MELK: variants seen among roughly 807,000 people sequenced by gnomAD.
MELK encodes maternal embryonic leucine zipper kinase.
In MELK, 81 loss-of-function variants were observed where a neutral mutation model predicts 85.0. The ratio of observed to expected loss-of-function variants is 0.95; its 90% CI spans 0.80 to 1.15. The LOEUF is 1.15. Among genes scored for constraint, MELK ranks in the 50% most tolerant of loss-of-function variants. The pLI, the probability that MELK is intolerant of heterozygous loss-of-function variation, is 0.00. For missense variants in MELK, 754 were observed against 777.5 expected, an observed-to-expected ratio of 0.97 and a Z score of 0.36; for synonymous variants, 252 against 265.0, an observed-to-expected ratio of 0.95 and a Z score of 0.48.
chr9:36,659,879 G>T (rs149788055), intron 13 of MELK, among the ~76,000 whole-genome samples: 18 of 152,226 alleles, frequency 1.2e-4, no homozygotes, highest in African/African-American at 4.3e-4. Context: ...AGTTCACTGC[G>T]ATTTTCGCCT....
intron 3 of MELK, among the ~76,000 whole-genome samples, chr9:36,584,494 ATTT>A (rs1015431561): frequency 1.1e-5 from 1 of 88,652 alleles, no homozygotes; most frequent in Admixed American, 1.3e-4. Context: ...ATTTTTTTGT[ATTT>A]TTTTTTTTTT....
intron 10 of MELK, among the ~76,000 whole-genome samples, chr9:36,636,774 T>TC (rs1564190977): frequency 9.4e-6 from 1 of 105,902 alleles, no homozygotes; most frequent in Non-Finnish European, 1.9e-5. Context: ...CTTTCTTTCT[T>TC]TCTTTCTTTC....
At chr9:36,575,046 T>C (rs1457077685) in intron 1 of MELK, among the ~76,000 whole-genome samples, 1 of 152,070 alleles carries the variant, frequency 6.6e-6, no homozygotes, top group Non-Finnish European at 1.5e-5. Context: ...TGAGGCAGAA[T>C]TGCTTGAACT....
intron 8 of MELK, among the ~76,000 whole-genome samples, chr9:36,629,060 T>G (rs544897346): frequency 7.9e-5 from 12 of 151,712 alleles, no homozygotes; most frequent in African/African-American, 2.9e-4. Flanking sequence ...AGAAACAAGG[T>G]TTCCCTGTGT....
chr9:36,629,208 A>G (rs1349609088), intron 8 of MELK, among the ~76,000 whole-genome samples: 1 of 152,128 alleles, frequency 6.6e-6, no homozygotes, highest in Admixed American at 6.6e-5. Context: ...TAATTTTGGT[A>G]TGTTCTATGA....
intron 16 of MELK, among the ~76,000 whole-genome samples, chr9:36,674,265 A>C (rs1012126276): frequency 2.6e-5 from 4 of 152,222 alleles, no homozygotes; most frequent in Non-Finnish European, 5.9e-5. Context: ...ATTATCTCTG[A>C]GAATTAGGCT....
Position 36,578,326 on chromosome 9 carries a change from A to G in MELK, c.-38-3318A>G, listed in dbSNP as rs571083768. On this transcript the variant is annotated intron_variant, in intron 1 of 17. Coordinates refer to ENST00000298048, the MANE Select transcript of MELK (RefSeq NM_014791.4). ...TCCATCACCTGTTACCTCTAAAAGC[A>G]GCCTCAGTTCAGTACCTGTCAACTT... 9.2e-5 allele frequency among the ~76,000 whole-genome samples: 14 copies of G among 151,834 alleles called. No individual in the cohort carries two copies. In the South Asian group the frequency reaches 2.9e-3, roughly 32 times the overall value.
intron 17 of MELK, among the ~76,000 whole-genome samples, chr9:36,675,625 C>T (rs1286368143): frequency 6.6e-6 from 1 of 152,076 alleles, no homozygotes; most frequent in Non-Finnish European, 1.5e-5. Context: ...GGCTGTTTTA[C>T]AGGGCTGGGT....
At chr9:36,671,969 C>T (rs1832928997) in intron 16 of MELK, among the ~76,000 whole-genome samples, 1 of 152,042 alleles carries the variant, frequency 6.6e-6, no homozygotes. Flanking sequence ...AAAACACATT[C>T]CAAGAGGTGT....
rs764260106 is a variant in MELK at position 36,643,049 on chromosome 9, A to G, written c.887A>G (p.Asn296Ser). 96 of 1,613,216 alleles carry G rather than the reference A, an allele frequency of 6.0e-5. No homozygotes were observed. The highest frequency in any genetic ancestry group is 1.6e-4 in the Middle Eastern group (1 of 6,080). Reference sequence around the variant, plus strand: ...ACAGAACTTTCTGTACATCACAGAAACAACAGGCAAACAATGGAGGATTTA... The same window carrying G: ...ACAGAACTTTCTGTACATCACAGAAGCAACAGGCAAACAATGGAGGATTTA... ...CVTELSVHHRNNRQTMEDLIS... is the reference protein window; with the variant it reads ...CVTELSVHHRSNRQTMEDLIS... Residue 296 changes from asparagine (N) to serine (S), a missense_variant, in exon 11 of 18, where the codon AAC becomes AGC. Physicochemically the swap from Asn to Ser is conservative, Grantham distance 46 (BLOSUM62 1). Transcript: ENST00000298048.
Position 36,660,163 on chromosome 9 carries a change from T to C in MELK, c.1176+2800T>C, listed in dbSNP as rs115601672. 3.9e-5 allele frequency among the ~76,000 whole-genome samples: 6 copies of C among 152,286 alleles called. No homozygotes were observed. In the South Asian group the frequency reaches 1.2e-3, roughly 32 times the overall value. The stretch of plus-strand genomic sequence containing the variant: ...TATGAGCACATCCTATACATGTACA[T>C]TGGGCTTGTAGATACCCTGGTATAT... On this transcript the variant is annotated intron_variant, in intron 13 of 17. Transcript: ENST00000298048.
intron 10 of MELK, 44 bp downstream of exon 10, chr9:36,633,244 T>C (rs1828823915): frequency 2.2e-6 from 3 of 1,394,132 alleles, no homozygotes; most frequent in Non-Finnish European, 3.0e-6. Flanking sequence ...TGACTTTGTG[T>C]GGTCTTTGGG....
At chr9:36,625,777 C>G (rs1036469413) in intron 8 of MELK, among the ~76,000 whole-genome samples, 3 of 151,784 alleles carry the variant, frequency 2.0e-5, no homozygotes, top group African/African-American at 7.3e-5. Context: ...AAAAATTAGC[C>G]AGTCATGGTG....
At chr9:36,643,391 G>T (rs1364355122) in intron 11 of MELK, among the ~76,000 whole-genome samples, 1 of 150,998 alleles carries the variant, frequency 6.6e-6, no homozygotes, top group East Asian at 2.0e-4. Flanking sequence ...CTCAAAAAAA[G>T]AAAAAGAAAA....
chr9:36,655,085 G>GTCA (rs1408738801), intron 12 of MELK, among the ~76,000 whole-genome samples: 1 of 152,166 alleles, frequency 6.6e-6, no homozygotes, highest in African/African-American at 2.4e-5. Context: ...AAATAACCAC[G>GTCA]TCATCATCAT....
At position 36,607,509 on chromosome 9, in the gene MELK, C is replaced by G. The variant is rs1825674982; in HGVS notation, c.568-66C>G. On this transcript the variant is annotated intron_variant, in intron 7 of 17. Transcript: ENST00000298048. ...ACAATTCTGTGATTGGATCAAGAGT[C>G]CTACCATTCTGAAATATGTTTGAAT... 2.6e-6 allele frequency: 3 copies of G among 1,164,208 alleles called. No individual in the cohort carries two copies. In the African/African-American group the frequency reaches 4.6e-5, roughly 18 times the overall value. The allele number at this position is 1,164,208 out of a possible 1,614,324, so 72.1% of individuals were successfully genotyped here.
chr9:36,596,512 C>T (rs1824256788), intron 5 of MELK, among the ~76,000 whole-genome samples: 1 of 151,928 alleles, frequency 6.6e-6, no homozygotes, highest in South Asian at 2.1e-4. Flanking sequence ...CCGCCTAGGC[C>T]TCCCAAAGTG....
intron 1 of MELK, among the ~76,000 whole-genome samples, chr9:36,580,752 A>G (rs938426353): frequency 4.8e-5 from 7 of 145,370 alleles, no homozygotes; most frequent in Non-Finnish European, 9.0e-5. Context: ...TTTTTGAGAC[A>G]AAGTCTGGCT....
At chr9:36,607,363 C>A (rs1347905447) in intron 7 of MELK, among the ~76,000 whole-genome samples, 3 of 152,164 alleles carry the variant, frequency 2.0e-5, no homozygotes, top group Non-Finnish European at 2.9e-5. Flanking sequence ...GTCAGGAGGT[C>A]TTCCTGGGTG....
Sources: allele counts gnomAD v4.1 joint callset (sites outside exome capture counted in the v4.1 genomes callset), GRCh38; gene constraint gnomAD v4.1.1; transcripts MANE v1.5; gene names NCBI Gene and HGNC (gene_info 2026-07-23, HGNC 2026-07-21).